Variants in ZNF527 observed in about 807,000 individuals in gnomAD.
ZNF527 encodes zinc finger protein 527.
ZNF527 carries 5 observed loss-of-function variants against 13.5 expected under a neutral mutation model. The observed-to-expected ratio is 0.37, with a 90% CI of 0.19 to 0.78. The LOEUF (loss-of-function observed/expected upper bound fraction) is 0.78. Ranked by LOEUF, ZNF527 falls within the 30% of genes least tolerant of loss-of-function variation. The pLI is 0.48. For synonymous variants in ZNF527, 209 were observed against 243.1 expected (o/e 0.86, Z 1.30); for missense variants, 628 against 726.4 (o/e 0.86, Z 1.56).
At chr19:37,375,302 CTTTCTTTCTTTTCTTT>C (rs2040594571) in intron 2 of ZNF527, among the ~76,000 whole-genome samples, 1 of 104,534 alleles carries the variant, frequency 9.6e-6, no homozygotes, top group Admixed American at 1.0e-4. Flanking sequence ...TTCTTTCTTT[CTTTCTTTCTTTTCTTT>C]CTTTCTTTCT....
At chr19:37,371,802 CTG>C (rs1444728811) in intron 1 of ZNF527, among the ~76,000 whole-genome samples, 1 of 151,846 alleles carries the variant, frequency 6.6e-6, no homozygotes, top group African/African-American at 2.4e-5. Flanking sequence ...GCTTATGTGG[CTG>C]TGTATTGTGT....
chr19:37,375,578 C>G (rs1390114211), intron 2 of ZNF527, among the ~76,000 whole-genome samples: 2 of 151,784 alleles, frequency 1.3e-5, no homozygotes, highest in Non-Finnish European at 2.9e-5. Context: ...CCAAGATGGT[C>G]TTGATCTCCT....
At chr19:37,371,540 G>T (rs767966059) in intron 1 of ZNF527, among the ~76,000 whole-genome samples, 2 of 152,118 alleles carry the variant, frequency 1.3e-5, no homozygotes, top group Non-Finnish European at 2.9e-5. Context: ...AGAGACTGGG[G>T]TGTGACATTG....
At chr19:37,378,873 T>C (rs982369969) in intron 2 of ZNF527, among the ~76,000 whole-genome samples, 2 of 152,244 alleles carry the variant, frequency 1.3e-5, no homozygotes, top group African/African-American at 4.8e-5. Context: ...GTCTTTGCTG[T>C]TTCTTGTTAT....
At chr19:37,388,260 A>G (rs765825661) in intron 4 of ZNF527, 46 bp from the exon 5 acceptor site, 11 of 1,573,728 alleles carry the variant, frequency 7.0e-6, no homozygotes, top group Admixed American at 1.9e-5. Flanking sequence ...TTTCTTCCTC[A>G]TAGCAAAAGA....
In ZNF527 at chr19:37,389,286, C is replaced by A. The variant is rs534480382; in HGVS notation, c.1237C>A (p.Pro413Thr). ...TCAGAGGATTCACACTGGAGAGAAACCCTATGAATGTAATCAGTGTGGAAA... is the reference window on the plus strand; with the variant it reads ...TCAGAGGATTCACACTGGAGAGAAAACCTATGAATGTAATCAGTGTGGAAA... Reference protein sequence around the residue: ...QHQRIHTGEKPYECNQCGKAF... With the variant: ...QHQRIHTGEKTYECNQCGKAF... Residue 413 changes from proline (P) to threonine (T), a missense_variant, in exon 5 of 5, where the codon CCC becomes ACC. Coordinates refer to ENST00000436120, the MANE Select transcript of ZNF527 (RefSeq NM_032453.2). The A allele has an allele frequency of 6.2e-7, 1 of 1,614,196 alleles. No individual in the cohort carries two copies. Among genetic ancestry groups the A allele is most frequent in the East Asian group, 2.2e-5 (1 of 44,886 alleles).
intron 2 of ZNF527, among the ~76,000 whole-genome samples, chr19:37,378,692 G>T (rs780832702): frequency 6.6e-6 from 1 of 152,032 alleles, no homozygotes; most frequent in Non-Finnish European, 1.5e-5. Flanking sequence ...ATATGTTCCT[G>T]GACGTTTCTC....
chr19:37,371,346 T>C (rs1330499946), intron 1 of ZNF527, 120 bp downstream of exon 1: 1 of 152,294 alleles, frequency 6.6e-6, no homozygotes, highest in Non-Finnish European at 1.5e-5. Context: ...TGTTTCACTG[T>C]ATTACCAACT....
At chr19:37,387,959 C>A (rs2040713783) in intron 4 of ZNF527, among the ~76,000 whole-genome samples, 1 of 152,166 alleles carries the variant, frequency 6.6e-6, no homozygotes, top group Admixed American at 6.5e-5. Context: ...GACAGGAGGG[C>A]TTAAAGACTA....
chr19:37,388,167 G>A (rs2040715313), intron 4 of ZNF527, 139 bp from the exon 5 acceptor site: 1 of 837,012 alleles, frequency 1.2e-6, no homozygotes, highest in African/African-American at 1.7e-5. Context: ...CATATTGCAT[G>A]GCCATATTTG....
At position 37,388,614 on chromosome 19, in the gene ZNF527, C is replaced by G; in HGVS notation, c.565C>G (p.Gln189Glu). The G allele has an allele frequency of 6.2e-7, 1 of 1,613,904 alleles. No individual in the cohort carries two copies. The highest frequency in any genetic ancestry group is 1.1e-5 in the South Asian group (1 of 91,064). The change falls in exon 5 of 5, where the codon CAA becomes GAA. Residue 189 changes from glutamine (Q) to glutamate (E), a missense_variant. Transcript: ENST00000436120. Reference protein sequence around the residue: ...LTQQKVPTIQQVHKFDIYDKL... With the variant: ...LTQQKVPTIQEVHKFDIYDKL... ...ACAACAGAAAGTTCCTACCATACAG[C>G]AAGTACATAAATTTGATATTTATGA...
chr19:37,376,431 T>C (rs572781241), intron 2 of ZNF527, among the ~76,000 whole-genome samples: 6 of 152,004 alleles, frequency 3.9e-5, no homozygotes, highest in East Asian at 1.9e-4. Flanking sequence ...CCCAGCACTT[T>C]GGGAGGCTAA....
At position 37,389,451 on chromosome 19, in the gene ZNF527, A is replaced by G; in HGVS notation, c.1402A>G (p.Lys468Glu). ...NQHQRIHTGE[K>E]PYECIKCGKF... Reference sequence around the variant, plus strand: ...ACATCAGAGAATTCATACCGGAGAAAAGCCCTATGAATGCATCAAATGTGG... The same window carrying G: ...ACATCAGAGAATTCATACCGGAGAAGAGCCCTATGAATGCATCAAATGTGG... Residue 468 changes from lysine to glutamate, a missense_variant, in exon 5 of 5, where the codon AAG becomes GAG. By Grantham distance (56) the Lys-to-Glu change is moderately conservative. Transcript: ENST00000436120. The G allele has an allele frequency of 6.2e-7, 1 of 1,614,160 alleles. No individual in the cohort carries two copies. The highest frequency in any genetic ancestry group is 1.1e-5 in the South Asian group (1 of 91,082).
chr19:37,379,066 C>CT, intron 2 of ZNF527, 54 bp from the exon 3 acceptor site: 1 of 1,606,340 alleles, frequency 6.2e-7, no homozygotes, highest in Non-Finnish European at 8.5e-7. Context: ...ATCTTTTTTG[C>CT]TAGGACCATA....
Position 37,380,314 on chromosome 19 carries a change from G to T in ZNF527, c.198G>T (p.Leu66=). The T allele has an allele frequency of 6.2e-7, 1 of 1,614,066 alleles. No individual in the cohort carries two copies. Among genetic ancestry groups the T allele is most frequent in the Non-Finnish European group, 8.5e-7 (1 of 1,179,986 alleles). The part of the protein sequence containing the change: ...SISKPNMISL[L]EQGKEPWMVE... ...CTAAGCCCAACATGATCTCCTTACT[G>T]GAGCAAGGGAAGGAACCGTGGATGG... Residue 66 remains leucine (L), a synonymous_variant, in exon 4 of 5, where the codon CTG becomes CTT. Transcript: ENST00000436120.
Position 37,380,327 on chromosome 19 carries a change from G to A in ZNF527, c.211G>A (p.Glu71Lys). The change falls in exon 4 of 5, where the codon GAA (glutamate) becomes AAA (lysine). Residue 71 changes from glutamate (E) to lysine (K), a missense_variant. By Grantham distance (56) the Glu-to-Lys change is moderately conservative. This residue lies in a region of ZNF527 where 592 missense variants were observed against 678.0 expected (regional missense o/e 0.87). Coordinates refer to ENST00000436120, the MANE Select transcript of ZNF527 (RefSeq NM_032453.2). ...GATCTCCTTACTGGAGCAAGGGAAGGAACCGTGGATGGTGGAGAGAAAGAT... is the reference window on the plus strand; with the variant it reads ...GATCTCCTTACTGGAGCAAGGGAAGAAACCGTGGATGGTGGAGAGAAAGAT... ...NMISLLEQGK[E>K]PWMVERKMSQ... is the part of the protein sequence containing the mutation. 6.2e-7 allele frequency: 1 copy of A among 1,614,126 alleles called. No individual in the cohort carries two copies. Among genetic ancestry groups the A allele is most frequent in the Non-Finnish European group, 8.5e-7 (1 of 1,180,004 alleles).
At chr19:37,373,783 A>G (rs1366623955) in intron 1 of ZNF527, among the ~76,000 whole-genome samples, 1 of 152,188 alleles carries the variant, frequency 6.6e-6, no homozygotes, top group Non-Finnish European at 1.5e-5. Flanking sequence ...GGAAAAGTCC[A>G]CAACCCTGAA....
intron 4 of ZNF527, among the ~76,000 whole-genome samples, chr19:37,382,340 C>T (rs2040661473): frequency 6.6e-6 from 1 of 152,000 alleles, no homozygotes; most frequent in African/African-American, 2.4e-5. Flanking sequence ...TATTTACACA[C>T]ACACCCCTAT....
intron 3 of ZNF527, 191 bp downstream of exon 3, chr19:37,379,437 A>T (rs971532376): frequency 7.0e-6 from 3 of 427,616 alleles, no homozygotes; most frequent in Middle Eastern, 5.7e-4. Context: ...TTTGGCAGAC[A>T]TTCTGAACAC....
Sources: gnomAD v4.1 joint callset for allele counts (sites outside exome capture counted in the v4.1 genomes callset) on GRCh38, gnomAD v4.1.1 for gene constraint, gnomAD v4.1.1 regional missense constraint, MANE v1.5 for transcripts, NCBI Gene and HGNC (gene_info 2026-07-23, HGNC 2026-07-21) for gene names.